Variants in BTBD9 observed in about 807,000 individuals in gnomAD.
The protein encoded by BTBD9 is BTB domain containing 9, also known as BTB/POZ domain-containing protein 9.
In BTBD9, 49 loss-of-function variants were observed where a neutral mutation model predicts 64.3. That is an observed-to-expected ratio of 0.76 (90% CI 0.61 to 0.97). BTBD9 has a LOEUF of 0.97. Ranked by LOEUF, BTBD9 falls within the 50% of genes least tolerant of loss-of-function variation. The pLI is 0.00. For synonymous variants in BTBD9, 260 were observed against 274.7 expected (o/e 0.95, Z 0.53); for missense variants, 598 against 762.1 (o/e 0.78, Z 2.53).
At chr6:38,282,297 T>C (rs540831436) in intron 8 of BTBD9, among the ~76,000 whole-genome samples, 1 of 152,328 alleles carries the variant, frequency 6.6e-6, no homozygotes, top group South Asian at 2.1e-4. Context: ...GAAAATAAAA[T>C]GCGTAACTTT....
chr6:38,383,370 G>GCC (rs1766018507), intron 6 of BTBD9, among the ~76,000 whole-genome samples: 1 of 152,050 alleles, frequency 6.6e-6, no homozygotes, highest in Non-Finnish European at 1.5e-5. Context: ...TTCTTAACTT[G>GCC]TTAAAAGGCA....
chr6:38,624,358 C>T (rs1426072139), intron 1 of BTBD9, among the ~76,000 whole-genome samples: 7 of 152,096 alleles, frequency 4.6e-5, no homozygotes, highest in Admixed American at 3.3e-4. Flanking sequence ...CACAATAAAC[C>T]GTGCTACCAC....
chr6:38,300,598 G>C (rs1762351101), intron 7 of BTBD9, among the ~76,000 whole-genome samples: 1 of 152,024 alleles, frequency 6.6e-6, no homozygotes, highest in Non-Finnish European at 1.5e-5. Context: ...TGGATTCCTA[G>C]GTATTTTATT....
At chr6:38,185,073 C>T (rs949726683) in intron 10 of BTBD9, among the ~76,000 whole-genome samples, 9 of 152,116 alleles carry the variant, frequency 5.9e-5, no homozygotes, top group Non-Finnish European at 1.3e-4. Flanking sequence ...TGCACCCTCC[C>T]ACCCTCCCAG....
At chr6:38,573,456 C>A (rs1775873332) in intron 6 of BTBD9, among the ~76,000 whole-genome samples, 1 of 152,124 alleles carries the variant, frequency 6.6e-6, no homozygotes, top group Non-Finnish European at 1.5e-5. Context: ...AATTTACACC[C>A]ATCTCAACAC....
At chr6:38,638,304 A>G (rs536552659) in intron 1 of BTBD9, among the ~76,000 whole-genome samples, 15 of 152,320 alleles carry the variant, frequency 9.8e-5, no homozygotes, top group African/African-American at 3.4e-4. Context: ...GGGAAAAAAA[A>G]GACAGGTCTT....
chr6:38,629,620 T>C (rs986398401), intron 1 of BTBD9, among the ~76,000 whole-genome samples: 3 of 151,730 alleles, frequency 2.0e-5, no homozygotes, highest in Admixed American at 6.6e-5. Context: ...TCAAGAGTTC[T>C]AGACCAGCCT....
chr6:38,484,118 T>C, intron 6 of BTBD9, among the ~76,000 whole-genome samples: 1 of 152,228 alleles, frequency 6.6e-6, no homozygotes, highest in East Asian at 1.9e-4. Flanking sequence ...GATGAAATCC[T>C]TGTTTAGAAT....
Position 38,302,485 on chromosome 6 carries a change from G to GTATGTGTGTGTATA in BTBD9, c.1265-14025_1265-14024insTATACACACACATA, listed in dbSNP as rs1384155514. ...CTGAATAATATTCCATTGTGTGTAT[G>GTATGTGTGTGTATA]TATATATATATATATATATATATAT... On this transcript the variant is annotated intron_variant, in intron 7 of 10. Coordinates refer to ENST00000481247, the MANE Select transcript of BTBD9 (RefSeq NM_001099272.2). 1.3e-3 allele frequency among the ~76,000 whole-genome samples: 134 copies of GTATGTGTGTGTATA among 106,890 alleles called. 1 individual carries two copies. The highest frequency in any genetic ancestry group is 4.7e-3 in the African/African-American group (132 of 28,230). The allele number at this position is 106,890 out of a possible 152,430, so 70.1% of individuals were successfully genotyped here.
At chr6:38,491,812 G>C (rs1771714321) in intron 6 of BTBD9, among the ~76,000 whole-genome samples, 1 of 152,166 alleles carries the variant, frequency 6.6e-6, no homozygotes, top group South Asian at 2.1e-4. Flanking sequence ...AGTAATTATG[G>C]AGTGTATTAA....
chr6:38,177,030 C>A (rs560880700), intron 10 of BTBD9, among the ~76,000 whole-genome samples: 1 of 152,282 alleles, frequency 6.6e-6, no homozygotes, highest in African/African-American at 2.4e-5. Context: ...TGTTCCCACG[C>A]CCACACGCAG....
chr6:38,178,604 T>A (rs1761390190), intron 10 of BTBD9, among the ~76,000 whole-genome samples: 1 of 150,440 alleles, frequency 6.6e-6, no homozygotes, highest in Non-Finnish European at 1.5e-5. Flanking sequence ...ACATCTGAGG[T>A]GAGTCTGGAA....
chr6:38,394,417 G>T (rs533242030), intron 6 of BTBD9, among the ~76,000 whole-genome samples: 1 of 152,288 alleles, frequency 6.6e-6, no homozygotes, highest in Non-Finnish European at 1.5e-5. Context: ...AAGAGAAACA[G>T]AAGGGAGAAG....
chr6:38,197,855 T>C (rs1035125400), intron 9 of BTBD9, among the ~76,000 whole-genome samples: 3 of 152,306 alleles, frequency 2.0e-5, no homozygotes, highest in South Asian at 2.1e-4. Flanking sequence ...CTAAACTGTA[T>C]GCATGACTCA....
At chr6:38,341,030 T>C (rs1764076700) in intron 7 of BTBD9, among the ~76,000 whole-genome samples, 1 of 152,174 alleles carries the variant, frequency 6.6e-6, no homozygotes, top group Non-Finnish European at 1.5e-5. Flanking sequence ...AGACACTCTA[T>C]ACGAGAAAAG....
intron 1 of BTBD9, among the ~76,000 whole-genome samples, chr6:38,616,700 G>C (rs1049330561): frequency 1.3e-5 from 2 of 152,104 alleles, no homozygotes; most frequent in Admixed American, 1.3e-4. Context: ...GCTTTGATAG[G>C]ACAGAAACGA....
At chr6:38,186,790 T>A (rs1761837762) in intron 10 of BTBD9, among the ~76,000 whole-genome samples, 2 of 152,256 alleles carry the variant, frequency 1.3e-5, no homozygotes, top group Admixed American at 1.3e-4. Context: ...AGCTTTCATG[T>A]AGGTTCTTGT....
At chr6:38,316,904 T>C (rs937953966) in intron 7 of BTBD9, among the ~76,000 whole-genome samples, 6 of 152,218 alleles carry the variant, frequency 3.9e-5, no homozygotes, top group Admixed American at 1.3e-4. Flanking sequence ...TCGCCTTTTG[T>C]TTGTCTGGCA....
At chr6:38,302,938 T>A (rs1762470360) in intron 7 of BTBD9, among the ~76,000 whole-genome samples, 2 of 152,188 alleles carry the variant, frequency 1.3e-5, no homozygotes, top group South Asian at 2.1e-4. Context: ...CATTTGTATG[T>A]CTTCTTTTGA....
Sources: gnomAD v4.1 joint callset for allele counts (sites outside exome capture counted in the v4.1 genomes callset) on GRCh38, gnomAD v4.1.1 for gene constraint, MANE v1.5 for transcripts, NCBI Gene and HGNC (gene_info 2026-07-23, HGNC 2026-07-21) for gene names.